RGPD2: variants seen among roughly 807,000 people sequenced by gnomAD.
RGPD2 encodes the protein RANBP2-like and GRIP domain-containing protein 2.
In RGPD2, 2 loss-of-function variants were observed where a neutral mutation model predicts 36.0. The ratio of observed to expected loss-of-function variants is 0.06; its 90% CI spans 0.02 to 0.17. The LOEUF (loss-of-function observed/expected upper bound fraction) is 0.17. Ranked by LOEUF, RGPD2 falls within the 10% of genes least tolerant of loss-of-function variation. RGPD2 has a pLI of 1.00. For synonymous variants in RGPD2, 19 were observed against 163.8 expected (o/e 0.12, Z 6.75); for missense variants, 40 against 464.3 (o/e 0.09, Z 8.40).
the RGPD2 span, among the ~76,000 whole-genome samples, chr2:87,883,417 A>G: frequency 6.6e-6 from 1 of 152,186 alleles, no homozygotes; most frequent in African/African-American, 2.4e-5. Context: ...CCCTAATAAA[A>G]CACCAGAAAA....
the RGPD2 span, among the ~76,000 whole-genome samples, chr2:87,890,182 AG>A: frequency 1.1e-5 from 1 of 92,216 alleles, no homozygotes; most frequent in Non-Finnish European, 2.0e-5. Flanking sequence ...TGGCATTCAA[AG>A]ACTGCACATG....
chr2:87,985,739 T>C, the RGPD2 span: 13 of 1,601,856 alleles, frequency 8.1e-6, no homozygotes, highest in African/African-American at 2.7e-5. Flanking sequence ...TTCTAGTCCA[T>C]GCTAAGCGGT....
At chr2:87,864,211 C>G in the RGPD2 span, among the ~76,000 whole-genome samples, 1 of 152,178 alleles carries the variant, frequency 6.6e-6, no homozygotes, top group Non-Finnish European at 1.5e-5. Context: ...TGTAAATGGG[C>G]ATCATCTAAT....
the RGPD2 span, among the ~76,000 whole-genome samples, chr2:87,986,661 C>G: frequency 6.6e-6 from 1 of 151,564 alleles, no homozygotes; most frequent in African/African-American, 2.4e-5. Context: ...GGGTGGATCA[C>G]CTGAGGTCAG....
chr2:87,915,295 T>TTA, the RGPD2 span, among the ~76,000 whole-genome samples: 1 of 129,088 alleles, frequency 7.7e-6, no homozygotes, highest in Admixed American at 7.8e-5. Context: ...TATATGTATA[T>TTA]TATATATATT....
At chr2:87,825,860 A>C (rs1686790345), upstream of RGPD2, 3 of 1,187,366 alleles carry the variant, frequency 2.5e-6, no homozygotes, top group Admixed American at 2.5e-5. Flanking sequence ...GCACTTGTGT[A>C]CTGCGTCAGC....
chr2:87,915,274 G>GTA, the RGPD2 span, among the ~76,000 whole-genome samples: 76 of 85,008 alleles, frequency 8.9e-4, no homozygotes, highest in East Asian at 5.3e-3. Context: ...GTGTGTGTGT[G>GTA]TATATATATA....
At chr2:87,856,987 C>A in the RGPD2 span, among the ~76,000 whole-genome samples, 259 of 152,246 alleles carry the variant, frequency 1.7e-3, no homozygotes, top group African/African-American at 6.2e-3. Context: ...TTGTAGGTAA[C>A]AAACTAATGG....
chr2:87,762,015 G>A (rs1684898766), intron 22 of RGPD2, among the ~76,000 whole-genome samples: 1 of 151,862 alleles, frequency 6.6e-6, no homozygotes, highest in Admixed American at 6.6e-5. Flanking sequence ...TTCTAGTAGT[G>A]AGAAACCTGG....
At chr2:87,910,033 A>G in the RGPD2 span, among the ~76,000 whole-genome samples, 5 of 106,416 alleles carry the variant, frequency 4.7e-5, no homozygotes, top group Non-Finnish European at 9.6e-5. Context: ...ATTCAAATAC[A>G]TAACACAGCT....
At chr2:87,986,337 G>A in the RGPD2 span, among the ~76,000 whole-genome samples, 1 of 148,794 alleles carries the variant, frequency 6.7e-6, no homozygotes, top group South Asian at 2.2e-4. Context: ...GTTTCACCAT[G>A]TTGGCCAGGC....
At chr2:87,988,541 A>ATATATATTT in the RGPD2 span, among the ~76,000 whole-genome samples, 295 of 54,132 alleles carry the variant, frequency 5.4e-3, 4 homozygotes, top group African/African-American at 8.6e-3. Context: ...ATATATATAT[A>ATATATATTT]TTTTTTTTTT....
At chr2:87,809,682 C>T (rs545419176) in intron 6 of RGPD2, among the ~76,000 whole-genome samples, 3 of 150,340 alleles carry the variant, frequency 2.0e-5, no homozygotes, top group South Asian at 2.1e-4. Flanking sequence ...CCCTAAGCCA[C>T]ACTGTGAAAC....
At chr2:87,864,576 TGATAGATAGATAGATAGATA>T in the RGPD2 span, among the ~76,000 whole-genome samples, 14 of 151,410 alleles carry the variant, frequency 9.2e-5, no homozygotes, top group East Asian at 5.8e-4. Flanking sequence ...CATAGATAGA[TGATAGATAGATAGATAGATA>T]GATAGATAGA....
chr2:87,921,872 A>G, the RGPD2 span, among the ~76,000 whole-genome samples: 8 of 152,180 alleles, frequency 5.3e-5, no homozygotes, highest in East Asian at 1.5e-3. Flanking sequence ...GGAAGCCTGG[A>G]GGCATTTTCT....
chr2:87,805,708 A>C lies in RGPD2; in HGVS notation c.975+988T>G, dbSNP rs1217552339. 1.6e-4 allele frequency among the ~76,000 whole-genome samples: 25 copies of C among 152,200 alleles called. No homozygotes were observed. The East Asian group carries it at 3.9e-3, about 24-fold the overall frequency. ...CCCCGTCTCTACTAAAAATACAAAAAAATTAGCCAGGCATGGTGGTGGGCG... is the reference window on the plus strand; with the variant it reads ...CCCCGTCTCTACTAAAAATACAAAACAATTAGCCAGGCATGGTGGTGGGCG... On this transcript the variant is annotated intron_variant, in intron 7 of 22. Transcript: ENST00000398146.
At chr2:87,858,060 T>A in the RGPD2 span, among the ~76,000 whole-genome samples, 1 of 152,372 alleles carries the variant, frequency 6.6e-6, no homozygotes, top group African/African-American at 2.4e-5. Context: ...CATATATATG[T>A]ATACACATAT....
chr2:87,872,835 C>A, the RGPD2 span, among the ~76,000 whole-genome samples: 1 of 151,748 alleles, frequency 6.6e-6, no homozygotes, highest in South Asian at 2.1e-4. Flanking sequence ...TCTCAGCTCA[C>A]TGCAACCTCT....
At chr2:87,952,125 A>G in the RGPD2 span, among the ~76,000 whole-genome samples, 2 of 152,304 alleles carry the variant, frequency 1.3e-5, no homozygotes, top group Non-Finnish European at 2.9e-5. Flanking sequence ...AATTATAGAA[A>G]CTAATTAAAT....
Sources: gnomAD v4.1 joint callset for allele counts (sites outside exome capture counted in the v4.1 genomes callset) on GRCh38, gnomAD v4.1.1 for gene constraint, MANE v1.5 for transcripts, NCBI Gene and HGNC (gene_info 2026-07-23, HGNC 2026-07-21) for gene names.